Variants in CNOT9 observed in about 807,000 individuals in gnomAD.
The protein encoded by CNOT9 is RCD1 required for cell differentiation1 homolog.
In CNOT9, 8 loss-of-function variants were observed where a neutral mutation model predicts 37.4. The observed-to-expected ratio is 0.21, with a 90% CI of 0.13 to 0.39. CNOT9 has a LOEUF of 0.39. CNOT9 is among the 10% of genes least tolerant of loss of function. The pLI, the probability that CNOT9 is intolerant of heterozygous loss-of-function variation, is 1.00. For missense variants in CNOT9, 154 were observed against 365.3 expected, an observed-to-expected ratio of 0.42 and a Z score of 4.71; for synonymous variants, 120 against 137.6, an observed-to-expected ratio of 0.87 and a Z score of 0.90.
chr2:218,573,227 A>T (rs1694058699), intron 1 of CNOT9, among the ~76,000 whole-genome samples: 1 of 151,822 alleles, frequency 6.6e-6, no homozygotes, highest in African/African-American at 2.4e-5. Context: ...CTGAGGCAGG[A>T]CAATCGCTTG....
chr2:218,594,493 G>A lies in CNOT9; in HGVS notation c.*217G>A. 1.8e-6 allele frequency: 1 copy of A among 560,584 alleles called. No homozygotes were observed. The highest frequency in any genetic ancestry group is 3.0e-5 in the East Asian group (1 of 33,078). 34.7% of individuals were successfully genotyped at this position (560,584 alleles called of 1,614,324 possible). A position where few individuals can be genotyped will look rare whatever the true frequency, so the allele number is the denominator to read the frequency against. ...TCCCTCTGCTACTCCCAGGAAATGG[G>A]CTCCTGACACAGCAGTCTGCCACCA... On this transcript the variant is annotated 3_prime_UTR_variant, in exon 8 of 8. Transcript: ENST00000273064.
chr2:218,582,345 C>T (rs1379564890), intron 2 of CNOT9, among the ~76,000 whole-genome samples: 1 of 152,146 alleles, frequency 6.6e-6, no homozygotes, highest in Non-Finnish European at 1.5e-5. Context: ...CTGATAGCCT[C>T]AGTAGCTGGA....
intron 1 of CNOT9, among the ~76,000 whole-genome samples, chr2:218,580,298 T>G (rs1009496355): frequency 2.6e-5 from 4 of 152,152 alleles, no homozygotes; most frequent in African/African-American, 9.7e-5. Context: ...AGTGCAACAG[T>G]AAACATCCTG....
intron 1 of CNOT9, among the ~76,000 whole-genome samples, chr2:218,572,365 G>A (rs1401637597): frequency 6.6e-6 from 1 of 151,922 alleles, no homozygotes; most frequent in African/African-American, 2.4e-5. Context: ...TCAGTGGTTG[G>A]CTAGATTCAC....
chr2:218,572,078 T>C (rs900335877), intron 1 of CNOT9, among the ~76,000 whole-genome samples: 4 of 151,928 alleles, frequency 2.6e-5, no homozygotes, highest in Non-Finnish European at 4.4e-5. Flanking sequence ...CCCAGCACTT[T>C]GGGAGGCCAA....
chr2:218,586,546 T>C (rs1017802268), intron 4 of CNOT9, among the ~76,000 whole-genome samples: 4 of 151,526 alleles, frequency 2.6e-5, no homozygotes, highest in Non-Finnish European at 4.4e-5. Flanking sequence ...TAGAGTGCAG[T>C]GGCATAATTT....
chr2:218,581,220 G>A (rs964884287), intron 2 of CNOT9: 4 of 262,426 alleles, frequency 1.5e-5, no homozygotes, highest in African/African-American at 7.0e-5. Flanking sequence ...CCAGACTAGA[G>A]TGCAATGGTG....
intron 1 of CNOT9, chr2:218,573,889 G>C (rs985228420): frequency 4.0e-5 from 12 of 298,862 alleles, no homozygotes; most frequent in Non-Finnish European, 6.7e-5. Flanking sequence ...AAAGGAGGGA[G>C]AGTTACCACC....
chr2:218,583,186 A>T, intron 3 of CNOT9, 100 bp downstream of exon 3: 3 of 722,410 alleles, frequency 4.2e-6, no homozygotes, highest in East Asian at 2.8e-5. Context: ...AGAGAGAGAG[A>T]GAACGTTTGT....
chr2:218,569,245 C>G (rs573651145), intron 1 of CNOT9, among the ~76,000 whole-genome samples: 1 of 152,166 alleles, frequency 6.6e-6, no homozygotes, highest in African/African-American at 2.4e-5. Context: ...GCAGGCCATT[C>G]ATTGATTTAT....
intron 1 of CNOT9, chr2:218,573,577 T>C (rs1156838115): frequency 6.6e-6 from 1 of 152,284 alleles, no homozygotes; most frequent in African/African-American, 2.4e-5. Context: ...TATTTTCTGT[T>C]TAAGAAACCA....
chr2:218,573,799 C>T (rs1033460570), intron 1 of CNOT9: 4 of 240,984 alleles, frequency 1.7e-5, no homozygotes, highest in Non-Finnish European at 2.5e-5. Context: ...TTGGTAAATA[C>T]CTTATCTGTA....
At chr2:218,583,558 T>C (rs991225054) in intron 3 of CNOT9, among the ~76,000 whole-genome samples, 4 of 152,154 alleles carry the variant, frequency 2.6e-5, no homozygotes, top group African/African-American at 9.7e-5. Context: ...AATTGGCATG[T>C]AAGTTAAAAT....
Position 218,592,216 on chromosome 2 carries a change from C to G in CNOT9, c.541-88C>G. 1.1e-6 allele frequency: 1 copy of G among 936,780 alleles called. No homozygotes were observed. Among genetic ancestry groups the G allele is most frequent in the Non-Finnish European group, 1.7e-6 (1 of 583,900 alleles). The allele number at this position is 936,780 out of a possible 1,614,324, so 58.0% of individuals were successfully genotyped here. ...GATCCCTGCTTGCTCAATTTTCTGA[C>G]TGATAGTCATGCCTGGGAAAATGAG... On this transcript the variant is annotated intron_variant, in intron 5 of 7. Transcript: ENST00000273064. This position sits in a 1 kb window ranked among gnomAD's most constrained non-coding sequence, Gnocchi z 4.1.
At chr2:218,588,384 G>C (rs1278564403) in intron 5 of CNOT9, among the ~76,000 whole-genome samples, 1 of 151,296 alleles carries the variant, frequency 6.6e-6, no homozygotes, top group Non-Finnish European at 1.5e-5. Context: ...CGCCTCCCGG[G>C]TTCAAGCAGT....
At chr2:218,579,402 T>G (rs762543209) in intron 1 of CNOT9, among the ~76,000 whole-genome samples, 11 of 152,214 alleles carry the variant, frequency 7.2e-5, no homozygotes, top group Admixed American at 1.3e-4. Context: ...GAGAGCTGCT[T>G]CTTTTTTTAA....
In CNOT9 at chr2:218,595,881, T is replaced by C. The variant is rs1267105548; in HGVS notation, c.*1605T>C. On this transcript the variant is annotated 3_prime_UTR_variant, in exon 8 of 8. Coordinates refer to ENST00000273064, the MANE Select transcript of CNOT9 (RefSeq NM_005444.3). Reference sequence around the variant, plus strand: ...TAGAGCCAAGAAAATAGTAATTAAGTGGCCTAGATATAGGAAGGGCAGAAT... The same window carrying C: ...TAGAGCCAAGAAAATAGTAATTAAGCGGCCTAGATATAGGAAGGGCAGAAT... 2 of 152,044 alleles carry C rather than the reference T, an allele frequency of 1.3e-5. No homozygotes were observed. Among genetic ancestry groups the C allele is most frequent in the African/African-American group, 4.8e-5 (2 of 41,384 alleles). The allele number at this position is 152,044 out of a possible 1,614,324, so 9.4% of individuals were successfully genotyped here.
In CNOT9 at chr2:218,568,886, A is replaced by T; in HGVS notation, c.-69A>T. The T allele has an allele frequency of 6.4e-7, 1 of 1,556,888 alleles. No homozygotes were observed. The highest frequency in any genetic ancestry group is 1.9e-5 in the Admixed American group (1 of 52,304). ...ACGGCGGCTCATTGTTTTCCGCTGC[A>T]GGGGTGCTGAAGGGGGGACGCGGGT... On this transcript the variant is annotated 5_prime_UTR_variant, in exon 1 of 8. Coordinates refer to ENST00000273064, the MANE Select transcript of CNOT9 (RefSeq NM_005444.3).
Position 218,584,733 on chromosome 2 carries a change from G to A in CNOT9, c.430+12G>A, listed in dbSNP as rs575966933. 1 of 1,576,582 alleles carries A rather than the reference G, an allele frequency of 6.3e-7. No individual in the cohort carries two copies. Among genetic ancestry groups the A allele is most frequent in the African/African-American group, 1.3e-5 (1 of 74,136 alleles). ...CCTTGGAGTTATTGGTAAGTTATTA[G>A]AATTGTTTTGCAAGCCTGAAATACT... On this transcript the variant is annotated intron_variant, in intron 4 of 7. Coordinates refer to ENST00000273064, the MANE Select transcript of CNOT9 (RefSeq NM_005444.3).
Sources: gnomAD v4.1 joint callset for allele counts (sites outside exome capture counted in the v4.1 genomes callset) on GRCh38, gnomAD v4.1.1 for gene constraint, Gnocchi (gnomAD v3.1) non-coding constraint, MANE v1.5 for transcripts, NCBI Gene and HGNC (gene_info 2026-07-23, HGNC 2026-07-21) for gene names.